The following SRP72 variants were observed in gnomAD, a reference collection of about 807,000 sequenced individuals.
SRP72 encodes the protein signal recognition particle subunit SRP72.
A neutral mutation model predicts 96.3 loss-of-function variants in SRP72; 49 were observed. The observed-to-expected ratio is 0.51, with a 90% CI of 0.40 to 0.65. SRP72 has a LOEUF of 0.65. Among genes scored for constraint, SRP72 ranks in the 30% least tolerant of loss-of-function variants. The probability of loss-of-function intolerance (pLI) is 0.00; values close to 1 mark genes in which losing one functional copy is unlikely to be tolerated. For missense variants in SRP72, 736 were observed against 793.3 expected (o/e 0.93, Z 0.87); for synonymous variants, 267 against 275.2 (o/e 0.97, Z 0.30).
At position 56,500,565 on chromosome 4, in the gene SRP72, G is replaced by T; in HGVS notation, c.1708G>T (p.Val570Phe). The T allele has an allele frequency of 6.2e-7, 1 of 1,613,640 alleles. No individual in the cohort carries two copies. Among genetic ancestry groups the T allele is most frequent in the African/African-American group, 1.3e-5 (1 of 74,976 alleles). ...ATTGCCTAAGAATTATGACCCAAAAGTTACCCCAGATCCAGAAAGATGGCT... is the reference window on the plus strand; with the variant it reads ...ATTGCCTAAGAATTATGACCCAAAATTTACCCCAGATCCAGAAAGATGGCT... ...GKLPKNYDPKVTPDPERWLPM... is the reference protein window; with the variant it reads ...GKLPKNYDPKFTPDPERWLPM... Residue 570 changes from valine (V) to phenylalanine (F), a missense_variant, in exon 18 of 19, where the codon GTT becomes TTT. By Grantham distance (50) the Val-to-Phe change is conservative. Around this residue, in one of 3 missense-constraint regions of SRP72, gnomAD observed 388 missense variants for 431.8 expected, o/e 0.90. Coordinates refer to ENST00000642900, the MANE Select transcript of SRP72 (RefSeq NM_006947.4).
intron 1 of SRP72, 105 bp from the exon 2 acceptor site, chr4:56,469,548 A>C: frequency 8.9e-7 from 1 of 1,122,390 alleles, no homozygotes; most frequent in Admixed American, 2.4e-5. Context: ...TTCTGTTGCA[A>C]TAAAAGTAGA....
intron 17 of SRP72, among the ~76,000 whole-genome samples, chr4:56,499,210 C>T (rs1721178659): frequency 6.6e-6 from 1 of 152,160 alleles, no homozygotes; most frequent in Non-Finnish European, 1.5e-5. Context: ...CTTCCTTACA[C>T]CTTATACAAA....
At chr4:56,469,537 T>C in intron 1 of SRP72, 116 bp from the exon 2 acceptor site, 6 of 978,948 alleles carry the variant, frequency 6.1e-6, no homozygotes, top group Non-Finnish European at 8.7e-6. Context: ...TGACCAATTA[T>C]TTCTGTTGCA....
Position 56,490,657 on chromosome 4 carries a change from ATTG to A in SRP72, c.1502+15_1502+17del. ...GAGAAAGCCAAAGCGTATCCTTTTG[ATTG>A]TTATTCCTTACAGCTCCTCAGTAGC... On this transcript the variant is annotated intron_variant, in intron 15 of 18. Coordinates refer to ENST00000642900, the MANE Select transcript of SRP72 (RefSeq NM_006947.4). 1 of 1,608,888 alleles carries A rather than the reference ATTG, an allele frequency of 6.2e-7. No homozygotes were observed. Among genetic ancestry groups the A allele is most frequent in the South Asian group, 1.1e-5 (1 of 90,812 alleles).
rs762008013 is a variant in SRP72, at chr4:56,491,481, T to C, written c.1553T>C (p.Val518Ala). 36 of 1,614,016 alleles carry C rather than the reference T, an allele frequency of 2.2e-5. No homozygotes were observed. Among genetic ancestry groups the C allele is most frequent in the Non-Finnish European group, 3.0e-5 (35 of 1,179,924 alleles). The stretch of plus-strand genomic sequence containing the variant: ...GATAGTATGTCTCTAAAAGTAGATG[T>C]TGAGGCTCTTGAAAATTCTGCTGGT... ...SSDSMSLKVD[V>A]EALENSAGAT... Residue 518 changes from valine (V) to alanine (A), a missense_variant, in exon 16 of 19, where the codon GTT (valine) becomes GCT (alanine). By Grantham distance (64) the Val-to-Ala change is moderately conservative. Around this residue, in one of 3 missense-constraint regions of SRP72, gnomAD observed 388 missense variants for 431.8 expected, o/e 0.90. Transcript: ENST00000642900.
rs778556077 is a variant in SRP72, at chr4:56,483,159, C to G, written c.846C>G (p.Ser282=). Residue 282 remains serine, a synonymous_variant, in exon 9 of 19, where the codon TCC becomes TCG. Coordinates refer to ENST00000642900, the MANE Select transcript of SRP72 (RefSeq NM_006947.4). The stretch of plus-strand genomic sequence containing the variant: ...GTTAGGACCAAAATGTCTTTGACTC[C>G]AAGAAGAAAGTGAAATTAACCAATG... ...TINKDQNVFD[S]KKKVKLTNAE... 1.2e-6 allele frequency: 2 copies of G among 1,610,840 alleles called. No homozygotes were observed. Among genetic ancestry groups the G allele is most frequent in the Non-Finnish European group, 1.7e-6 (2 of 1,179,420 alleles).
At chr4:56,496,490 T>C (rs1721075632) in intron 17 of SRP72, among the ~76,000 whole-genome samples, 1 of 152,198 alleles carries the variant, frequency 6.6e-6, no homozygotes, top group African/African-American at 2.4e-5. Flanking sequence ...TTAATATTTG[T>C]TTTGTGCATT....
At chr4:56,484,025 A>AATTTTTTT in intron 9 of SRP72, among the ~76,000 whole-genome samples, 1 of 103,098 alleles carries the variant, frequency 9.7e-6, no homozygotes, top group Non-Finnish European at 1.8e-5. Context: ...GAGAAGCAGT[A>AATTTTTTT]ATTTTTTTTT....
At chr4:56,470,143 T>G (rs11133443) in intron 2 of SRP72, among the ~76,000 whole-genome samples, 17,048 of 152,086 alleles carry the variant, frequency 0.11, 1,239 homozygotes, top group Admixed American at 0.23. Flanking sequence ...TGAAATTAAG[T>G]TTGAAGCATA....
Position 56,502,602 on chromosome 4 carries a change from A to G in SRP72, c.*741A>G, listed in dbSNP as rs1721305741. On this transcript the variant is annotated 3_prime_UTR_variant, in exon 19 of 19. Coordinates refer to ENST00000642900, the MANE Select transcript of SRP72 (RefSeq NM_006947.4). ...CTGATACAGCACCATGAAAGAACTC[A>G]AGGAAAATATATCAATGTAAGAAGT... is the stretch of plus-strand genomic sequence containing the variant. 2 of 151,408 alleles carry G rather than the reference A, an allele frequency of 1.3e-5. No individual in the cohort carries two copies. Among genetic ancestry groups the G allele is most frequent in the Non-Finnish European group, 2.9e-5 (2 of 67,892 alleles). The allele number at this position is 151,408 out of a possible 1,614,324, so 9.4% of individuals were successfully genotyped here.
In SRP72 at chr4:56,467,630, T is replaced by C. The variant is rs759049380; in HGVS notation, c.-6T>C. ...TCTCCCCGCCCCGCCCCTCGTCTCCTCCAAGATGGCGAGCGGCGGCAGCGG... is the reference window on the plus strand; with the variant it reads ...TCTCCCCGCCCCGCCCCTCGTCTCCCCCAAGATGGCGAGCGGCGGCAGCGG... On this transcript the variant is annotated 5_prime_UTR_variant, in exon 1 of 19. Coordinates refer to ENST00000642900, the MANE Select transcript of SRP72 (RefSeq NM_006947.4). The C allele has an allele frequency of 2.2e-5, 34 of 1,554,406 alleles. No individual in the cohort carries two copies. The highest frequency in any genetic ancestry group is 2.9e-5 in the Non-Finnish European group (33 of 1,151,872).
At chr4:56,492,711 C>A (rs1720950157) in intron 16 of SRP72, among the ~76,000 whole-genome samples, 1 of 152,190 alleles carries the variant, frequency 6.6e-6, no homozygotes, top group Non-Finnish European at 1.5e-5. Flanking sequence ...TTACATTGTT[C>A]CGAATTCCAT....
At chr4:56,469,996 T>C (rs1719907410) in intron 2 of SRP72, among the ~76,000 whole-genome samples, 1 of 148,898 alleles carries the variant, frequency 6.7e-6, no homozygotes, top group Admixed American at 6.7e-5. Flanking sequence ...TTTTAACCAC[T>C]GTGTTTCCTT....
chr4:56,494,541 T>TTA (rs1721014258), intron 16 of SRP72, among the ~76,000 whole-genome samples: 1 of 151,826 alleles, frequency 6.6e-6, no homozygotes, highest in Admixed American at 6.6e-5. Flanking sequence ...GTAGCTGAGA[T>TTA]TACAGGCACG....
intron 5 of SRP72, among the ~76,000 whole-genome samples, chr4:56,475,403 A>AATATAT (rs5858385): frequency 0.04 from 6,106 of 150,930 alleles, 327 homozygotes; most frequent in African/African-American, 0.13. Flanking sequence ...ACAAAAAAAA[A>AATATAT]ATATATATGT....
At chr4:56,485,447 T>C (rs1236545864) in intron 10 of SRP72, among the ~76,000 whole-genome samples, 1 of 151,660 alleles carries the variant, frequency 6.6e-6, no homozygotes, top group African/African-American at 2.4e-5. Flanking sequence ...TTATTATAGT[T>C]GACCCTTTGT....
Position 56,502,483 on chromosome 4 carries a change from G to GTATATATATATACATATA in SRP72, c.*635_*652dup, listed in dbSNP as rs1471949024. The GTATATATATATACATATA allele has an allele frequency of 2.2e-5, 2 of 91,098 alleles. No homozygotes were observed. Among genetic ancestry groups the GTATATATATATACATATA allele is most frequent in the Non-Finnish European group, 4.0e-5 (2 of 50,150 alleles). The allele number at this position is 91,098 out of a possible 1,614,324, so 5.6% of individuals were successfully genotyped here. ...TTCATGTTTATATATATATATATATGTATATATATATACATATATATATAT... is the reference window on the plus strand; with the variant it reads ...TTCATGTTTATATATATATATATATGTATATATATATACATATATATATATATATACATATATATATAT... On this transcript the variant is annotated 3_prime_UTR_variant, in exon 19 of 19. Transcript: ENST00000642900.
chr4:56,494,758 G>C (rs112279667), intron 16 of SRP72, among the ~76,000 whole-genome samples: 351 of 152,016 alleles, frequency 2.3e-3, no homozygotes, highest in African/African-American at 8.2e-3. Flanking sequence ...GCCCTTTTTA[G>C]TGCCTTTTTT....
chr4:56,500,497 T>C lies in SRP72; in HGVS notation c.1679-39T>C, dbSNP rs371531671. On this transcript the variant is annotated intron_variant, in intron 17 of 18. Coordinates refer to ENST00000642900, the MANE Select transcript of SRP72 (RefSeq NM_006947.4). Reference sequence around the variant, plus strand: ...GTTTAAACAAACTATCTTGAAAATATTATGACACATCTCTCATTTCTTTAT... The same window carrying C: ...GTTTAAACAAACTATCTTGAAAATACTATGACACATCTCTCATTTCTTTAT... 2.5e-5 allele frequency: 40 copies of C among 1,593,930 alleles called. No individual in the cohort carries two copies. In the South Asian group the frequency reaches 4.1e-4, roughly 16 times the overall value.
Sources: gnomAD v4.1 joint callset for allele counts (sites outside exome capture counted in the v4.1 genomes callset) on GRCh38, gnomAD v4.1.1 for gene constraint, gnomAD v4.1.1 regional missense constraint, MANE v1.5 for transcripts, NCBI Gene and HGNC (gene_info 2026-07-23, HGNC 2026-07-21) for gene names.